The following RNF141 variants were observed in gnomAD, a reference collection of about 807,000 sequenced individuals.
RNF141 encodes ring finger protein 141.
In RNF141, 18 loss-of-function variants were observed where a neutral mutation model predicts 27.4. The observed-to-expected ratio is 0.66, with a 90% CI of 0.45 to 0.97. RNF141 has a LOEUF of 0.97. Among genes scored for constraint, RNF141 ranks in the 50% least tolerant of loss-of-function variants. RNF141 has a pLI of 0.00. For synonymous variants in RNF141, 97 were observed against 96.6 expected, an observed-to-expected ratio of 1.00 and a Z score of -0.02; for missense variants, 230 against 279.4, an observed-to-expected ratio of 0.82 and a Z score of 1.26.
At chr11:10,530,313 A>G (rs1274256388) in intron 3 of RNF141, among the ~76,000 whole-genome samples, 2 of 152,232 alleles carry the variant, frequency 1.3e-5, no homozygotes, top group Admixed American at 6.5e-5. Context: ...TTAATTTTTA[A>G]GGTATCATCT....
At chr11:10,527,365 T>C (rs560407759) in intron 3 of RNF141, among the ~76,000 whole-genome samples, 4 of 151,436 alleles carry the variant, frequency 2.6e-5, no homozygotes, top group South Asian at 2.1e-4. Flanking sequence ...TACAGAGAAG[T>C]TGACATTTAA....
intron 4 of RNF141, among the ~76,000 whole-genome samples, chr11:10,522,547 C>T (rs1849896350): frequency 6.6e-6 from 1 of 152,150 alleles, no homozygotes; most frequent in South Asian, 2.1e-4. Flanking sequence ...CTGGGAAAGC[C>T]TCCAGTATGT....
intron 3 of RNF141, 152 bp from the exon 4 acceptor site, chr11:10,525,525 T>C: frequency 1.7e-6 from 1 of 587,424 alleles, no homozygotes; most frequent in Non-Finnish European, 3.0e-6. Context: ...TCTGAATAAA[T>C]GAGTAATACC....
At chr11:10,527,645 CGG>C (rs55785645) in intron 3 of RNF141, among the ~76,000 whole-genome samples, 17 of 150,986 alleles carry the variant, frequency 1.1e-4, no homozygotes, top group Non-Finnish European at 2.2e-4. Flanking sequence ...TGAGAAGTCA[CGG>C]GGGGGGGTTT....
At chr11:10,533,048 A>G (rs1254165797) in intron 2 of RNF141, among the ~76,000 whole-genome samples, 1 of 152,234 alleles carries the variant, frequency 6.6e-6, no homozygotes, top group Non-Finnish European at 1.5e-5. Context: ...GACTAAACAG[A>G]GAACCTTTAA....
At chr11:10,533,932 T>C in intron 2 of RNF141, 84 bp downstream of exon 2, 1 of 1,252,154 alleles carries the variant, frequency 8.0e-7, no homozygotes, top group Non-Finnish European at 1.1e-6. Context: ...AATCAACACC[T>C]CTGGTTATAT....
At chr11:10,536,301 C>T (rs141697466) in intron 1 of RNF141, among the ~76,000 whole-genome samples, 165 of 152,056 alleles carry the variant, frequency 1.1e-3, no homozygotes, top group African/African-American at 3.8e-3. Context: ...GGAAGCAGCA[C>T]GGTGACTTTG....
At chr11:10,539,701 A>ATAC (rs10524171) in intron 1 of RNF141, among the ~76,000 whole-genome samples, 1 of 31,476 alleles carries the variant, frequency 3.2e-5, no homozygotes, top group Non-Finnish European at 7.2e-5. Context: ...CATATATATT[A>ATAC]GAGAGAGAAG....
chr11:10,513,128 A>G lies in RNF141; in HGVS notation c.*1788T>C, dbSNP rs1317033497. The G allele has an allele frequency of 6.6e-6, 1 of 152,060 alleles. No individual in the cohort carries two copies. The highest frequency in any genetic ancestry group is 1.9e-4 in the East Asian group (1 of 5,192). 9.4% of individuals were successfully genotyped at this position (152,060 alleles called of 1,614,324 possible). A position where few individuals can be genotyped will look rare whatever the true frequency, so the allele number is the denominator to read the frequency against. On this transcript the variant is annotated 3_prime_UTR_variant, in exon 6 of 6. Transcript: ENST00000265981. ...TGCATTGCCAGGTTGATATGATGGAACCCCTGGTACTCTGCTTGCATAAAC... is the reference window on the plus strand; with the variant it reads ...TGCATTGCCAGGTTGATATGATGGAGCCCCTGGTACTCTGCTTGCATAAAC...
intron 1 of RNF141, among the ~76,000 whole-genome samples, chr11:10,539,002 AAC>A (rs947174411): frequency 1.4e-4 from 21 of 152,196 alleles, no homozygotes; most frequent in African/African-American, 5.1e-4. Flanking sequence ...TGCCACCTAT[AAC>A]ACAGTCATTT....
At chr11:10,532,181 A>G (rs1268147638) in intron 2 of RNF141, among the ~76,000 whole-genome samples, 1 of 152,202 alleles carries the variant, frequency 6.6e-6, no homozygotes, top group African/African-American at 2.4e-5. Flanking sequence ...AAGGAATGGT[A>G]AATGTCATTG....
chr11:10,533,943 C>A, intron 2 of RNF141, 73 bp downstream of exon 2: 1 of 1,395,922 alleles, frequency 7.2e-7, no homozygotes, highest in South Asian at 1.3e-5. Context: ...CTGGTTATAT[C>A]TTACACAGCC....
chr11:10,529,666 G>C (rs1042114407), intron 3 of RNF141, among the ~76,000 whole-genome samples: 12 of 152,194 alleles, frequency 7.9e-5, no homozygotes, highest in African/African-American at 2.4e-5. Flanking sequence ...TCTCACAGCA[G>C]CATAAATTAG....
chr11:10,525,279 C>G lies in RNF141; in HGVS notation c.347G>C (p.Gly116Ala). The G allele has an allele frequency of 6.2e-7, 1 of 1,613,338 alleles. No individual in the cohort carries two copies. Among genetic ancestry groups the G allele is most frequent in the South Asian group, 1.1e-5 (1 of 90,948 alleles). ...AGAGGTGGAGCTCTGTGCCAATACTCCTGCTGCTTGACTTGTGATATCTTT... is the reference window on the plus strand; with the variant it reads ...AGAGGTGGAGCTCTGTGCCAATACTGCTGCTGCTTGACTTGTGATATCTTT... ...LYKDITSQAA[G>A]VLAQSSTSEE... is the part of the protein sequence containing the mutation. Residue 116 changes from glycine (G) to alanine (A), a missense_variant, in exon 4 of 6, where the codon GGA becomes GCA. Coordinates refer to ENST00000265981, the MANE Select transcript of RNF141 (RefSeq NM_016422.4).
At chr11:10,537,874 C>T in intron 1 of RNF141, among the ~76,000 whole-genome samples, 1 of 152,238 alleles carries the variant, frequency 6.6e-6, no homozygotes, top group East Asian at 1.9e-4. Context: ...ATAATGTCTT[C>T]CTCCTGGCAT....
At chr11:10,533,610 CCTT>C (rs1415703117) in intron 2 of RNF141, among the ~76,000 whole-genome samples, 2 of 151,756 alleles carry the variant, frequency 1.3e-5, no homozygotes, top group East Asian at 1.9e-4. Flanking sequence ...TGTACAGAAA[CCTT>C]CTCAGTGTTA....
intron 2 of RNF141, 42 bp downstream of exon 2, chr11:10,533,974 A>G (rs755522471): frequency 1.4e-5 from 23 of 1,592,336 alleles, no homozygotes; most frequent in Non-Finnish European, 1.9e-5. Context: ...GGGCATACAT[A>G]CAACAAGGGG....
chr11:10,528,656 C>A (rs148350291), intron 3 of RNF141, among the ~76,000 whole-genome samples: 23 of 152,260 alleles, frequency 1.5e-4, no homozygotes, highest in African/African-American at 5.3e-4. Context: ...TAAAAATGAA[C>A]ATTAAGTGTA....
At position 10,512,789 on chromosome 11, in the gene RNF141, C is replaced by A. The variant is rs551511735; in HGVS notation, c.*2127G>T. The A allele has an allele frequency of 2.6e-5, 4 of 152,190 alleles. No individual in the cohort carries two copies. In the East Asian group the frequency reaches 5.8e-4, roughly 22 times the overall value. 9.4% of individuals were successfully genotyped at this position (152,190 alleles called of 1,614,324 possible). A position where few individuals can be genotyped will look rare whatever the true frequency, so the allele number is the denominator to read the frequency against. ...AAATTTTTTTAAAAAAAACGACTCC[C>A]ACTATATGTGTGTTACTCACCAAAT... On this transcript the variant is annotated 3_prime_UTR_variant, in exon 6 of 6. Transcript: ENST00000265981.
Sources: allele counts gnomAD v4.1 joint callset (sites outside exome capture counted in the v4.1 genomes callset), GRCh38; gene constraint gnomAD v4.1.1; transcripts MANE v1.5; gene names NCBI Gene and HGNC (gene_info 2026-07-23, HGNC 2026-07-21).